The following TPM4 variants were observed in gnomAD, a reference collection of about 807,000 sequenced individuals.
TPM4 encodes tropomyosin 4, also known as tropomyosin alpha-4 chain.
A neutral mutation model predicts 35.8 loss-of-function variants in TPM4; 17 were observed. That is an observed-to-expected ratio of 0.47 (90% CI 0.32 to 0.71). TPM4 has a LOEUF of 0.71. Among genes scored for constraint, TPM4 ranks in the 30% least tolerant of loss-of-function variants. TPM4 has a pLI of 0.03. For synonymous variants in TPM4, 120 were observed against 122.9 expected, an observed-to-expected ratio of 0.98 and a Z score of 0.15; for missense variants, 240 against 320.9, an observed-to-expected ratio of 0.75 and a Z score of 1.93.
chr19:16,098,208 C>A (rs2090722056), intron 7 of TPM4, among the ~76,000 whole-genome samples: 1 of 152,142 alleles, frequency 6.6e-6, no homozygotes, highest in African/African-American at 2.4e-5. Context: ...TTTGGGAGGC[C>A]AAGGCAGGCA....
intron 7 of TPM4, chr19:16,099,657 T>G (rs185380578): frequency 3.3e-5 from 5 of 152,150 alleles, no homozygotes; most frequent in Non-Finnish European, 7.4e-5. Flanking sequence ...AGGCTGATGA[T>G]ATCACATTTT....
intron 4 of TPM4, chr19:16,088,794 C>G: frequency 1.6e-6 from 2 of 1,256,276 alleles, no homozygotes; most frequent in Non-Finnish European, 2.0e-6. Context: ...GGCAAAAGAC[C>G]AGGAGTGTTT....
chr19:16,102,812 G>A lies in TPM4; in HGVS notation c.*1466G>A, dbSNP rs2090775562. The A allele has an allele frequency of 4.3e-6, 1 of 230,750 alleles. No homozygotes were observed. Among genetic ancestry groups the A allele is most frequent in the Non-Finnish European group, 8.6e-6 (1 of 116,692 alleles). The allele number at this position is 230,750 out of a possible 1,614,324, so 14.3% of individuals were successfully genotyped here. ...TCCAACTAAAAATCACCCTGCTTCTGGCTTATCTGAATCCCTTACCCACCC... is the reference window on the plus strand; with the variant it reads ...TCCAACTAAAAATCACCCTGCTTCTAGCTTATCTGAATCCCTTACCCACCC... On this transcript the variant is annotated 3_prime_UTR_variant, in exon 8 of 8. Coordinates refer to ENST00000643579, the MANE Select transcript of TPM4 (RefSeq NM_003290.3).
At chr19:16,083,188 A>G (rs1004893433) in intron 2 of TPM4, among the ~76,000 whole-genome samples, 2 of 152,046 alleles carry the variant, frequency 1.3e-5, no homozygotes, top group Non-Finnish European at 2.9e-5. Context: ...TCACGCCTAT[A>G]ATCCCAGCAC....
intron 2 of TPM4, among the ~76,000 whole-genome samples, chr19:16,069,060 T>C (rs2090326105): frequency 6.6e-6 from 1 of 152,178 alleles, no homozygotes; most frequent in Non-Finnish European, 1.5e-5. Context: ...AACGCTGGTA[T>C]GACAGTGATT....
At chr19:16,072,545 G>A (rs2090365065), upstream of TPM4, among the ~76,000 whole-genome samples, 1 of 151,918 alleles carries the variant, frequency 6.6e-6, no homozygotes. Flanking sequence ...CCATCTGTGT[G>A]GCATCAGGCA....
chr19:16,069,452 T>C (rs374483784), intron 2 of TPM4, among the ~76,000 whole-genome samples: 1 of 79,806 alleles, frequency 1.3e-5, no homozygotes, highest in Admixed American at 1.3e-4. Context: ...TGTGTGTTTC[T>C]ATTGGTGTGT....
upstream of TPM4, chr19:16,075,347 G>A (rs776112176): frequency 2.2e-4 from 33 of 151,980 alleles, no homozygotes; most frequent in Non-Finnish European, 3.5e-4. Context: ...GGAAAGTAGG[G>A]GACATTTTTA....
chr19:16,084,244 A>T (rs530218695), intron 2 of TPM4, among the ~76,000 whole-genome samples: 4 of 152,336 alleles, frequency 2.6e-5, no homozygotes, highest in African/African-American at 9.6e-5. Flanking sequence ...TGCTGTGACC[A>T]CTAACCAGAG....
At chr19:16,095,503 C>T in intron 7 of TPM4, 2 of 1,020,304 alleles carry the variant, frequency 2.0e-6, no homozygotes, top group Non-Finnish European at 2.4e-6. Context: ...ACGGGCAGTC[C>T]TCCTCTTCAT....
chr19:16,089,857 TTTTTC>T (rs543107916), intron 5 of TPM4, among the ~76,000 whole-genome samples: 18 of 151,808 alleles, frequency 1.2e-4, no homozygotes, highest in Non-Finnish European at 2.6e-4. Flanking sequence ...TCAGCCTTTT[TTTTTC>T]TTTTCTTTTT....
intron 5 of TPM4, among the ~76,000 whole-genome samples, chr19:16,092,591 G>A (rs180746293): frequency 1.3e-5 from 2 of 150,628 alleles, no homozygotes; most frequent in Admixed American, 6.6e-5. Flanking sequence ...GCTGGAGTGC[G>A]GTGGCGCCAT....
rs1451874027 is a variant in TPM4, at chr19:16,076,562, C to T, written c.-4C>T. On this transcript the variant is annotated 5_prime_UTR_variant, in exon 1 of 8. Coordinates refer to ENST00000643579, the MANE Select transcript of TPM4 (RefSeq NM_003290.3). ...CTGCCCGTGCGCCTCTGCGCCTCCG[C>T]GCCATGGCCGGCCTCAACTCCCTGG... is the stretch of plus-strand genomic sequence containing the variant. 1 of 1,459,430 alleles carries T rather than the reference C, an allele frequency of 6.9e-7. No individual in the cohort carries two copies. Among genetic ancestry groups the T allele is most frequent in the Non-Finnish European group, 9.0e-7 (1 of 1,111,338 alleles). 90.4% of individuals were successfully genotyped at this position (1,459,430 alleles called of 1,614,324 possible). A position where few individuals can be genotyped will look rare whatever the true frequency, so the allele number is the denominator to read the frequency against.
At chr19:16,069,617 T>G (rs1296065901) in intron 2 of TPM4, among the ~76,000 whole-genome samples, 3 of 140,394 alleles carry the variant, frequency 2.1e-5, no homozygotes, top group Non-Finnish European at 4.5e-5. Flanking sequence ...TTTCTGTTGC[T>G]GTGTGTGTGT....
At chr19:16,098,692 G>T (rs1398996830) in intron 7 of TPM4, among the ~76,000 whole-genome samples, 1 of 150,908 alleles carries the variant, frequency 6.6e-6, no homozygotes, top group Non-Finnish European at 1.5e-5. Flanking sequence ...TGTAATCCCA[G>T]CACTTTGGGA....
At chr19:16,075,776 C>A, upstream of TPM4, 1 of 374,056 alleles carries the variant, frequency 2.7e-6, no homozygotes, top group Admixed American at 4.6e-5. Context: ...TTCAGTTTCC[C>A]AAAAGCTGCC....
chr19:16,069,583 TTG>T (rs2090334542), intron 2 of TPM4, among the ~76,000 whole-genome samples: 2 of 87,792 alleles, frequency 2.3e-5, no homozygotes, highest in South Asian at 7.6e-4. Context: ...TGTGTTTCTA[TTG>T]GTGTGTGTGG....
At chr19:16,097,493 T>C (rs2090715730) in intron 7 of TPM4, among the ~76,000 whole-genome samples, 1 of 151,890 alleles carries the variant, frequency 6.6e-6, no homozygotes, top group African/African-American at 2.4e-5. Flanking sequence ...AGGCTGGTTT[T>C]GAACCCCTGA....
intron 2 of TPM4, among the ~76,000 whole-genome samples, chr19:16,069,481 G>A (rs1380395561): frequency 4.3e-4 from 1 of 2,344 alleles, no homozygotes; most frequent in East Asian, 8.3e-3. Flanking sequence ...ATGGATGAGT[G>A]TGTGTTTCTG....
Sources: gnomAD v4.1 joint callset for allele counts (sites outside exome capture counted in the v4.1 genomes callset) on GRCh38, gnomAD v4.1.1 for gene constraint, MANE v1.5 for transcripts, NCBI Gene and HGNC (gene_info 2026-07-23, HGNC 2026-07-21) for gene names.